RPN2: variants seen among roughly 807,000 people sequenced by gnomAD.
The protein encoded by RPN2 is dolichyl-diphosphooligosaccharide--protein glycosyltransferase subunit 2.
Under a neutral mutation model 71.4 loss-of-function variants are expected in RPN2, and 29 were observed. The observed-to-expected ratio is 0.41, with a 90% CI of 0.30 to 0.55. The LOEUF is 0.55. Ranked by LOEUF, RPN2 falls within the 20% of genes least tolerant of loss-of-function variation. RPN2 has a pLI of 0.35. For synonymous variants in RPN2, 308 were observed against 305.0 expected, an observed-to-expected ratio of 1.01 and a Z score of -0.10; for missense variants, 726 against 774.1, an observed-to-expected ratio of 0.94 and a Z score of 0.74.
intron 2 of RPN2, among the ~76,000 whole-genome samples, chr20:37,194,667 G>C (rs915049195): frequency 2.0e-5 from 3 of 152,196 alleles, no homozygotes; most frequent in Non-Finnish European, 4.4e-5. Flanking sequence ...GGTGTACAAA[G>C]CCTGGAGGCT....
chr20:37,187,005 T>G (rs1362922150), intron 2 of RPN2, among the ~76,000 whole-genome samples: 1 of 152,238 alleles, frequency 6.6e-6, no homozygotes, highest in Non-Finnish European at 1.5e-5. Context: ...TGCTGTGGAC[T>G]TCCTATTAAT....
In RPN2 at chr20:37,225,766, A is replaced by G. The variant is rs767944066; in HGVS notation, c.1263A>G (p.Val421=). Residue 421 remains valine, a synonymous_variant, in exon 11 of 17, where the codon GTA becomes GTG. Coordinates refer to ENST00000237530, the MANE Select transcript of RPN2 (RefSeq NM_002951.5). ...HQNFALFFQL[V]DVNTGAELTP... is the part of the protein sequence containing the mutation. ...ACTTCGCCTTGTTCTTCCAGCTGGT[A>G]GATGTGAACACTGGTGCTGAACTCA... 5 of 1,614,118 alleles carry G rather than the reference A, an allele frequency of 3.1e-6. No homozygotes were observed. In the South Asian group the frequency reaches 4.4e-5, roughly 14 times the overall value.
chr20:37,196,599 G>A (rs2067262494), intron 2 of RPN2, among the ~76,000 whole-genome samples: 1 of 152,086 alleles, frequency 6.6e-6, no homozygotes, highest in South Asian at 2.1e-4. Flanking sequence ...TGTAATCACA[G>A]CTCACTGCAG....
Position 37,198,666 on chromosome 20 carries a change from A to G in RPN2, c.303+174A>G, listed in dbSNP as rs199707415. Among the ~76,000 whole-genome samples, 12 of 150,630 alleles carry G rather than the reference A, an allele frequency of 8.0e-5. No individual in the cohort carries two copies. In the East Asian group the frequency reaches 2.1e-3, roughly 27 times the overall value. The stretch of plus-strand genomic sequence containing the variant: ...AGAAAGTATAGTTTATGTTTCTCCT[A>G]AGTTTTTACTTTTCAAGGGTTTTAA... On this transcript the variant is annotated intron_variant, in intron 3 of 16. Transcript: ENST00000237530.
chr20:37,206,161 C>G (rs770875963), intron 6 of RPN2, among the ~76,000 whole-genome samples: 1 of 152,196 alleles, frequency 6.6e-6, no homozygotes, highest in Non-Finnish European at 1.5e-5. Flanking sequence ...TCCTCCTAAG[C>G]AAATAACCTC....
chr20:37,213,322 A>G (rs919977885), intron 8 of RPN2, among the ~76,000 whole-genome samples: 4 of 152,200 alleles, frequency 2.6e-5, no homozygotes, highest in African/African-American at 9.7e-5. Context: ...CCACATGCCA[A>G]TCTGTGATTA....
chr20:37,189,311 CTGTGTGTGTGTATGTGTGTGTGTGTGTG>C (rs1289827068), intron 2 of RPN2, among the ~76,000 whole-genome samples: 3 of 115,184 alleles, frequency 2.6e-5, no homozygotes, highest in South Asian at 3.0e-4. Context: ...ATGGGCCAAA[CTGTGTGTGTGTATGTGTGTGTGTGTGTG>C]TGTGTGTGTG....
chr20:37,189,989 G>A (rs1049976949), intron 2 of RPN2, among the ~76,000 whole-genome samples: 2 of 152,190 alleles, frequency 1.3e-5, no homozygotes, highest in Admixed American at 6.5e-5. Flanking sequence ...AGAGCAAATT[G>A]ACTAGAGGTT....
chr20:37,196,388 C>T (rs1357350002), intron 2 of RPN2, among the ~76,000 whole-genome samples: 1 of 152,192 alleles, frequency 6.6e-6, no homozygotes, highest in Non-Finnish European at 1.5e-5. Flanking sequence ...CACCACCACG[C>T]CCAGCTAATT....
intron 1 of RPN2, among the ~76,000 whole-genome samples, chr20:37,181,922 G>A (rs1196758739): frequency 6.6e-6 from 1 of 151,232 alleles, no homozygotes; most frequent in Non-Finnish European, 1.5e-5. Context: ...GTTATTTCAT[G>A]TGATGTCTTT....
chr20:37,232,953 G>T (rs1229448588), intron 14 of RPN2, among the ~76,000 whole-genome samples: 1 of 152,158 alleles, frequency 6.6e-6, no homozygotes, highest in Non-Finnish European at 1.5e-5. Context: ...GGTGGCTCAT[G>T]CCTGTAATCC....
chr20:37,205,801 G>A (rs998433216), intron 6 of RPN2, among the ~76,000 whole-genome samples: 1 of 152,202 alleles, frequency 6.6e-6, no homozygotes, highest in African/African-American at 2.4e-5. Flanking sequence ...AATTGCAAGA[G>A]TGTGGGGTCT....
intron 9 of RPN2, among the ~76,000 whole-genome samples, chr20:37,217,481 C>T (rs1364145615): frequency 2.6e-5 from 4 of 151,302 alleles, no homozygotes; most frequent in East Asian, 2.0e-4. Context: ...TTAGTAGAGA[C>T]GGGGTTTCAC....
At chr20:37,236,521 C>T in intron 15 of RPN2, 59 bp from the exon 16 acceptor site, 1 of 1,597,688 alleles carries the variant, frequency 6.3e-7, no homozygotes, top group Non-Finnish European at 8.6e-7. Flanking sequence ...TAACTTTCCT[C>T]AACCGCAGGG....
chr20:37,224,010 C>A, intron 10 of RPN2, 41 bp downstream of exon 10: 1 of 1,554,972 alleles, frequency 6.4e-7, no homozygotes, highest in Non-Finnish European at 8.9e-7. Context: ...AGCTGAGGCT[C>A]AAGAGCTGAG....
intron 15 of RPN2, 59 bp from the exon 16 acceptor site, chr20:37,236,521 C>G (rs1296996803): frequency 3.1e-6 from 5 of 1,597,568 alleles, no homozygotes; most frequent in African/African-American, 1.3e-5. Context: ...TAACTTTCCT[C>G]AACCGCAGGG....
intron 12 of RPN2, 85 bp downstream of exon 12, chr20:37,228,829 T>G (rs2068156162): frequency 7.7e-7 from 1 of 1,303,640 alleles, no homozygotes; most frequent in Non-Finnish European, 1.1e-6. Context: ...ATGGGGCTCT[T>G]CACCTTCGCC....
chr20:37,239,207 C>G (rs1036435596), intron 16 of RPN2, among the ~76,000 whole-genome samples: 1 of 152,206 alleles, frequency 6.6e-6, no homozygotes, highest in African/African-American at 2.4e-5. Context: ...TCTCTTGGCA[C>G]CAACTACTCA....
rs755624455 is a variant in RPN2 at position 37,198,475 on chromosome 20, G to C, written c.286G>C (p.Ala96Pro). The change falls in exon 3 of 17, where the codon GCC becomes CCC. Residue 96 changes from alanine (A) to proline (P), a missense_variant. Physicochemically the swap from Ala to Pro is conservative, Grantham distance 27 (BLOSUM62 -1). Transcript: ENST00000237530. The part of the protein sequence containing the change: ...SLFYAAQASQ[A>P]LSGCEISISN... The stretch of plus-strand genomic sequence containing the variant: ...CTTCTACGCTGCCCAGGCCAGCCAG[G>C]CCCTCTCAGGATGTGAGGTGAGTCC... 5.6e-6 allele frequency: 9 copies of C among 1,614,062 alleles called. No individual in the cohort carries two copies. Among genetic ancestry groups the C allele is most frequent in the Non-Finnish European group, 7.6e-6 (9 of 1,180,038 alleles).
Sources: allele counts gnomAD v4.1 joint callset (sites outside exome capture counted in the v4.1 genomes callset), GRCh38; gene constraint gnomAD v4.1.1; transcripts MANE v1.5; gene names NCBI Gene and HGNC (gene_info 2026-07-23, HGNC 2026-07-21).